ZNF804B: variants seen among roughly 807,000 people sequenced by gnomAD.
ZNF804B encodes the protein zinc finger 804B.
ZNF804B carries 80 observed loss-of-function variants against 101.4 expected under a neutral mutation model. That is an observed-to-expected ratio of 0.79 (90% CI 0.66 to 0.95). The LOEUF is 0.95. Ranked by LOEUF, ZNF804B falls within the 40% of genes least tolerant of loss-of-function variation. ZNF804B has a pLI of 0.00. For synonymous variants in ZNF804B, 622 were observed against 558.8 expected (o/e 1.11, Z -1.59); for missense variants, 1,673 against 1,561.9 (o/e 1.07, Z -1.20).
chr7:89,039,676 C>T (rs988746844), intron 1 of ZNF804B, among the ~76,000 whole-genome samples: 1 of 151,114 alleles, frequency 6.6e-6, no homozygotes, highest in African/African-American at 2.4e-5. Context: ...TAGGCACTAT[C>T]TAGAACTTTC....
chr7:89,172,005 T>C (rs1791244965), intron 1 of ZNF804B, among the ~76,000 whole-genome samples: 1 of 115,066 alleles, frequency 8.7e-6, no homozygotes, highest in African/African-American at 2.6e-5. Context: ...TGACTTGTTG[T>C]ATAATTGACC....
chr7:89,141,557 A>G (rs1047432385), intron 1 of ZNF804B, among the ~76,000 whole-genome samples: 2 of 151,986 alleles, frequency 1.3e-5, no homozygotes, highest in Non-Finnish European at 1.5e-5. Context: ...CTTACTTTCA[A>G]TTCTTTTGGG....
At chr7:89,288,169 C>T (rs1469655848) in intron 2 of ZNF804B, among the ~76,000 whole-genome samples, 1 of 151,752 alleles carries the variant, frequency 6.6e-6, no homozygotes, top group African/African-American at 2.4e-5. Flanking sequence ...ATTTACACAG[C>T]AGAAGGTAAG....
chr7:89,220,118 T>TATATACGCACATATATGTGTGTATATAC lies in ZNF804B; in HGVS notation c.249+1828_249+1829insCGCACATATATGTGTGTATATACATATA, dbSNP rs1439266355. Among the ~76,000 whole-genome samples the TATATACGCACATATATGTGTGTATATAC allele has an allele frequency of 2.0e-4, 3 of 15,194 alleles. 1 individual carries two copies. The highest frequency in any genetic ancestry group is 7.4e-4 in the African/African-American group (2 of 2,716). 10.0% of individuals were successfully genotyped at this position (15,194 alleles called of 152,430 possible). ...GCACATATATATGTGTGTATATACA[T>TATATACGCACATATATGTGTGTATATAC]ATATATACGCACACATATATGTGTG... On this transcript the variant is annotated intron_variant, in intron 2 of 3. Coordinates refer to ENST00000333190, the MANE Select transcript of ZNF804B (RefSeq NM_181646.5).
At chr7:88,969,117 C>A (rs998310787) in intron 1 of ZNF804B, among the ~76,000 whole-genome samples, 2 of 151,420 alleles carry the variant, frequency 1.3e-5, no homozygotes, top group Non-Finnish European at 3.0e-5. Context: ...TAACCTATAA[C>A]CTCATCAAAA....
chr7:89,293,548 G>T (rs1449779680), intron 2 of ZNF804B, among the ~76,000 whole-genome samples: 1 of 152,134 alleles, frequency 6.6e-6, no homozygotes, highest in Non-Finnish European at 1.5e-5. Context: ...ACTTTGGGAG[G>T]TGTAGGCAGG....
intron 1 of ZNF804B, among the ~76,000 whole-genome samples, chr7:89,131,116 T>A (rs1265211631): frequency 6.6e-6 from 1 of 152,042 alleles, no homozygotes; most frequent in Non-Finnish European, 1.5e-5. Context: ...GGGAAGTTCA[T>A]GTATCTGAGA....
At chr7:88,974,966 C>G (rs1235494936) in intron 1 of ZNF804B, among the ~76,000 whole-genome samples, 1 of 151,480 alleles carries the variant, frequency 6.6e-6, no homozygotes, top group Non-Finnish European at 1.5e-5. Flanking sequence ...TCACTCTACT[C>G]TCTACCTCCA....
Position 88,960,135 on chromosome 7 carries a change from A to G in ZNF804B, c.108+200051A>G, listed in dbSNP as rs1367700188. Reference sequence around the variant, plus strand: ...TACAAATTATTACATAAATTTTGTTATACATTTATTGTTACAGTTGTTTAT... The same window carrying G: ...TACAAATTATTACATAAATTTTGTTGTACATTTATTGTTACAGTTGTTTAT... On this transcript the variant is annotated intron_variant, in intron 1 of 3. Coordinates refer to ENST00000333190, the MANE Select transcript of ZNF804B (RefSeq NM_181646.5). Among the ~76,000 whole-genome samples, 5 of 151,598 alleles carry G rather than the reference A, an allele frequency of 3.3e-5. No homozygotes were observed. In the East Asian group the frequency reaches 9.8e-4, roughly 30 times the overall value.
At chr7:89,102,281 G>T (rs140436156) in intron 1 of ZNF804B, among the ~76,000 whole-genome samples, 4 of 151,950 alleles carry the variant, frequency 2.6e-5, no homozygotes, top group East Asian at 1.9e-4. Context: ...GAATTAATTT[G>T]CATTCCCACC....
intron 1 of ZNF804B, among the ~76,000 whole-genome samples, chr7:89,158,391 A>G (rs1791008318): frequency 6.6e-6 from 1 of 152,050 alleles, no homozygotes; most frequent in South Asian, 2.1e-4. Flanking sequence ...CTCCACACCC[A>G]TTCCCTGACC....
chr7:88,875,478 A>G (rs1364322584), intron 1 of ZNF804B, among the ~76,000 whole-genome samples: 1 of 152,208 alleles, frequency 6.6e-6, no homozygotes, highest in Non-Finnish European at 1.5e-5. Flanking sequence ...TAAAGGAGAT[A>G]TCACCACCGA....
intron 2 of ZNF804B, among the ~76,000 whole-genome samples, chr7:89,283,006 G>A (rs560783872): frequency 2.0e-5 from 3 of 151,990 alleles, no homozygotes; most frequent in African/African-American, 7.3e-5. Flanking sequence ...ATCAGCCATA[G>A]GAAATTAATA....
At chr7:89,265,273 T>C (rs1201838637) in intron 2 of ZNF804B, among the ~76,000 whole-genome samples, 4 of 92,476 alleles carry the variant, frequency 4.3e-5, no homozygotes, top group African/African-American at 1.3e-4. Flanking sequence ...TCAGTGTGTG[T>C]GTGTGTGTGT....
At chr7:89,292,488 T>G (rs1336348614) in intron 2 of ZNF804B, among the ~76,000 whole-genome samples, 1 of 152,110 alleles carries the variant, frequency 6.6e-6, no homozygotes, top group Non-Finnish European at 1.5e-5. Flanking sequence ...TTTATCAGCT[T>G]AAAATAATAT....
intron 1 of ZNF804B, among the ~76,000 whole-genome samples, chr7:89,121,488 T>G (rs913922528): frequency 2.0e-5 from 3 of 152,186 alleles, no homozygotes; most frequent in African/African-American, 7.2e-5. Context: ...TAAAAAATTA[T>G]TGAACTTTTA....
chr7:88,824,079 A>G (rs557831952), intron 1 of ZNF804B, among the ~76,000 whole-genome samples: 1 of 152,316 alleles, frequency 6.6e-6, no homozygotes, highest in Non-Finnish European at 1.5e-5. Flanking sequence ...CAGAGAGGTC[A>G]AAGTACACTG....
chr7:89,184,262 A>G (rs142645337), intron 1 of ZNF804B, among the ~76,000 whole-genome samples: 192 of 152,282 alleles, frequency 1.3e-3, no homozygotes, highest in Middle Eastern at 6.8e-3. Flanking sequence ...TAATTTAAAT[A>G]CATTTCTAGA....
chr7:88,948,138 A>G (rs949924056), intron 1 of ZNF804B, among the ~76,000 whole-genome samples: 1 of 151,722 alleles, frequency 6.6e-6, no homozygotes, highest in Non-Finnish European at 1.5e-5. Flanking sequence ...ATAACCGGAG[A>G]TGGGGACTTC....
Sources: gnomAD v4.1 joint callset for allele counts (sites outside exome capture counted in the v4.1 genomes callset) on GRCh38, gnomAD v4.1.1 for gene constraint, MANE v1.5 for transcripts, NCBI Gene and HGNC (gene_info 2026-07-23, HGNC 2026-07-21) for gene names.